Variants in ATG16L1 observed in about 807,000 individuals in gnomAD.
ATG16L1 encodes autophagy related 16 like 1, also known as autophagy-related protein 16-1.
A neutral mutation model predicts 88.5 loss-of-function variants in ATG16L1; 37 were observed. The observed-to-expected ratio is 0.42, with a 90% CI of 0.32 to 0.55. ATG16L1 has a LOEUF of 0.55. Ranked by LOEUF, ATG16L1 falls within the 20% of genes least tolerant of loss-of-function variation. The pLI is 0.13. For missense variants in ATG16L1, 554 were observed against 752.8 expected, an observed-to-expected ratio of 0.74 and a Z score of 3.09; for synonymous variants, 301 against 281.0, an observed-to-expected ratio of 1.07 and a Z score of -0.71.
intron 6 of ATG16L1, 124 bp from the exon 7 acceptor site, chr2:233,272,842 T>C (rs144421953): frequency 1.3e-6 from 1 of 772,094 alleles, no homozygotes; most frequent in South Asian, 1.5e-5. Context: ...AAAGAATCTT[T>C]AACGCATTGC....
intron 12 of ATG16L1, 41 bp downstream of exon 12, chr2:233,282,794 C>G: frequency 6.3e-7 from 1 of 1,582,394 alleles, no homozygotes; most frequent in Non-Finnish European, 8.7e-7. Flanking sequence ...CTCCAAACTT[C>G]ATGTGGTGTT....
intron 10 of ATG16L1, among the ~76,000 whole-genome samples, chr2:233,278,815 G>A (rs1352090275): frequency 6.6e-6 from 1 of 152,184 alleles, no homozygotes; most frequent in East Asian, 1.9e-4. Context: ...AGCAGTTAGA[G>A]CCCATTGAAG....
intron 12 of ATG16L1, among the ~76,000 whole-genome samples, chr2:233,286,914 C>T (rs895777568): frequency 5.3e-5 from 8 of 151,832 alleles, no homozygotes; most frequent in Admixed American, 3.3e-4. Flanking sequence ...CATGAGCCAC[C>T]GCGCCTGGCC....
At chr2:233,267,264 G>T (rs1161551678) in intron 5 of ATG16L1, among the ~76,000 whole-genome samples, 1 of 152,206 alleles carries the variant, frequency 6.6e-6, no homozygotes, top group Non-Finnish European at 1.5e-5. Flanking sequence ...CAGGAGAATC[G>T]CTTGAACCCG....
intron 9 of ATG16L1, chr2:233,275,548 G>C (rs1396604211): frequency 2.8e-6 from 1 of 358,924 alleles, no homozygotes; most frequent in Non-Finnish European, 5.5e-6. Flanking sequence ...GGGAGCTTTG[G>C]GTTCCAGGTA....
chr2:233,292,835 C>G (rs1247243460), intron 16 of ATG16L1, among the ~76,000 whole-genome samples: 1 of 152,232 alleles, frequency 6.6e-6, no homozygotes, highest in East Asian at 1.9e-4. Flanking sequence ...CTCCTTGTTC[C>G]CTTCTTCCAT....
At chr2:233,277,432 C>T in intron 9 of ATG16L1, 136 bp from the exon 10 acceptor site, 2 of 695,100 alleles carry the variant, frequency 2.9e-6, no homozygotes, top group East Asian at 2.8e-5. Flanking sequence ...GCTAGGAGTC[C>T]AGTTTAGTTT....
At chr2:233,280,310 T>A (rs763032457) in intron 10 of ATG16L1, among the ~76,000 whole-genome samples, 1 of 152,272 alleles carries the variant, frequency 6.6e-6, no homozygotes, top group Non-Finnish European at 1.5e-5. Context: ...TGGATCATCC[T>A]TAAGTTACCC....
chr2:233,276,665 C>T (rs547635961), intron 9 of ATG16L1, among the ~76,000 whole-genome samples: 5 of 152,218 alleles, frequency 3.3e-5, no homozygotes, highest in East Asian at 1.9e-4. Flanking sequence ...TTTTAAGAGA[C>T]GAGGTTTCGC....
At chr2:233,289,408 T>TGTGTGTGTGTGTGAGAGAGAGA (rs144316394) in intron 12 of ATG16L1, among the ~76,000 whole-genome samples, 1,628 of 149,592 alleles carry the variant, frequency 0.011, 18 homozygotes, top group Admixed American at 0.024. Flanking sequence ...TGTGTGTGTG[T>TGTGTGTGTGTGTGAGAGAGAGA]GACAGGATCT....
At chr2:233,293,154 C>T in intron 16 of ATG16L1, 102 bp from the exon 17 acceptor site, 1 of 983,902 alleles carries the variant, frequency 1.0e-6, no homozygotes, top group Non-Finnish European at 1.6e-6. Context: ...CAGGAGTGGT[C>T]ATCAGTGAAG....
intron 8 of ATG16L1, chr2:233,274,211 CTT>C: frequency 1.5e-6 from 1 of 658,352 alleles, no homozygotes; most frequent in Middle Eastern, 3.2e-4. Flanking sequence ...AGGTTGAACA[CTT>C]TGTACAGTAC....
At chr2:233,253,332 GTTT>G (rs570754671) in intron 1 of ATG16L1, among the ~76,000 whole-genome samples, 3 of 112,890 alleles carry the variant, frequency 2.7e-5, no homozygotes, top group African/African-American at 1.0e-4. Flanking sequence ...GTGAGACTGG[GTTT>G]TTTTGTTTTT....
chr2:233,271,307 T>G (rs1242781203), intron 6 of ATG16L1, among the ~76,000 whole-genome samples: 1 of 152,242 alleles, frequency 6.6e-6, no homozygotes, highest in Non-Finnish European at 1.5e-5. Context: ...AGATGGAGTT[T>G]CACTCTTGTG....
chr2:233,263,269 C>T (rs1212765469), intron 3 of ATG16L1, 34 bp downstream of exon 3: 1 of 1,585,540 alleles, frequency 6.3e-7, no homozygotes, highest in Non-Finnish European at 8.6e-7. Flanking sequence ...CTGTCTTCTG[C>T]CCTCTATGAG....
rs755437955 is a variant in ATG16L1 at position 233,282,762 on chromosome 2, C to A, written c.1203+9C>A. On this transcript the variant is annotated intron_variant, in intron 12 of 17. Transcript: ENST00000392017. ...ATGATTATCGATTACGGGTAAGACC[C>A]AGTTAAGAAAGTTAGTGCAATCTCC... 1.2e-6 allele frequency: 2 copies of A among 1,613,234 alleles called. No individual in the cohort carries two copies.
Position 233,287,356 on chromosome 2 carries a change from A to G in ATG16L1, c.1204-2498A>G, listed in dbSNP as rs142957657. On this transcript the variant is annotated intron_variant, in intron 12 of 17. Coordinates refer to ENST00000392017, the MANE Select transcript of ATG16L1 (RefSeq NM_030803.7). ...ACATGTTCCTGTGAAGTATGTAAAA[A>G]TGAATATACAGATGGTCCCCAATGT... is the stretch of plus-strand genomic sequence containing the variant. Among the ~76,000 whole-genome samples, 253 of 152,322 alleles carry G rather than the reference A, an allele frequency of 1.7e-3. 3 individuals carry two copies. The highest frequency in any genetic ancestry group is 5.8e-3 in the African/African-American group (242 of 41,564).
At chr2:233,280,860 A>G (rs1201599410) in intron 10 of ATG16L1, among the ~76,000 whole-genome samples, 2 of 152,220 alleles carry the variant, frequency 1.3e-5, no homozygotes, top group African/African-American at 4.8e-5. Flanking sequence ...TTCTTAAAGA[A>G]CAGAACACAC....
Position 233,279,990 on chromosome 2 carries a change from C to T in ATG16L1, c.1061-1115C>T, listed in dbSNP as rs973262850. Among the ~76,000 whole-genome samples the T allele has an allele frequency of 1.4e-4, 22 of 152,128 alleles. 1 individual carries two copies. Among genetic ancestry groups the T allele is most frequent in the African/African-American group, 4.8e-4 (20 of 41,430 alleles). ...GATTTCATCTAAAGGAAAATCTTAGCGAATATTAGCCTTTTTCAACCCTTT... is the reference window on the plus strand; with the variant it reads ...GATTTCATCTAAAGGAAAATCTTAGTGAATATTAGCCTTTTTCAACCCTTT... On this transcript the variant is annotated intron_variant, in intron 10 of 17. Coordinates refer to ENST00000392017, the MANE Select transcript of ATG16L1 (RefSeq NM_030803.7).
Sources: allele counts gnomAD v4.1 joint callset (sites outside exome capture counted in the v4.1 genomes callset), GRCh38; gene constraint gnomAD v4.1.1; transcripts MANE v1.5; gene names NCBI Gene and HGNC (gene_info 2026-07-23, HGNC 2026-07-21).